PDE1C: variants seen among roughly 807,000 people sequenced by gnomAD.
The protein encoded by PDE1C is phosphodiesterase 1C.
In PDE1C, 62 loss-of-function variants were observed where a neutral mutation model predicts 93.1. The observed-to-expected ratio is 0.67, with a 90% confidence interval of 0.54 to 0.82. The LOEUF (loss-of-function observed/expected upper bound fraction) is 0.82, where lower values mean the gene tolerates loss of function less well. Among genes scored for constraint, PDE1C ranks in the 40% least tolerant of loss-of-function variants. The pLI, the probability that PDE1C is intolerant of heterozygous loss-of-function variation, is 0.00. For synonymous variants in PDE1C, 325 were observed against 310.1 expected (o/e 1.05, Z -0.50); for missense variants, 742 against 884.6 (o/e 0.84, Z 2.04).
intron 17 of PDE1C, among the ~76,000 whole-genome samples, chr7:31,771,383 G>A (rs1169881657): frequency 6.6e-6 from 1 of 152,154 alleles, no homozygotes; most frequent in African/African-American, 2.4e-5. Flanking sequence ...ACCAATACCT[G>A]CTATTTGCTG....
At chr7:32,320,317 A>G (rs1783263735) in intron 1 of PDE1C, among the ~76,000 whole-genome samples, 2 of 152,100 alleles carry the variant, frequency 1.3e-5, no homozygotes, top group Admixed American at 6.6e-5. Context: ...GGAAGGGGGG[A>G]AAACAGGTAG....
intron 2 of PDE1C, among the ~76,000 whole-genome samples, chr7:32,032,982 T>G (rs1584528351): frequency 6.6e-6 from 1 of 152,198 alleles, no homozygotes; most frequent in South Asian, 2.1e-4. Flanking sequence ...GACCAGACCA[T>G]GAACTGGAGA....
intron 3 of PDE1C, among the ~76,000 whole-genome samples, chr7:32,162,981 A>C (rs1320510441): frequency 6.6e-6 from 1 of 152,166 alleles, no homozygotes; most frequent in Non-Finnish European, 1.5e-5. Flanking sequence ...TATTGCCTTT[A>C]TGTGAAGCCA....
chr7:32,042,326 C>T (rs1262927224), intron 2 of PDE1C, among the ~76,000 whole-genome samples: 2 of 151,802 alleles, frequency 1.3e-5, no homozygotes, highest in East Asian at 3.9e-4. Flanking sequence ...AGAAAACAGA[C>T]AAAAAAAACT....
the PDE1C span, among the ~76,000 whole-genome samples, chr7:31,665,928 A>C: frequency 7.9e-5 from 12 of 152,212 alleles, no homozygotes; most frequent in Admixed American, 5.2e-4. Context: ...GAGCAGGCCC[A>C]GATAAGATTC....
chr7:32,006,245 T>C (rs1251067994), intron 2 of PDE1C, among the ~76,000 whole-genome samples: 3 of 152,246 alleles, frequency 2.0e-5, no homozygotes, highest in Non-Finnish European at 2.9e-5. Context: ...TCTTGTTTTT[T>C]TGGCATGTTA....
intron 2 of PDE1C, among the ~76,000 whole-genome samples, chr7:31,903,242 A>G (rs1800199967): frequency 6.6e-6 from 1 of 151,992 alleles, no homozygotes; most frequent in Admixed American, 6.6e-5. Context: ...GAGTCATGGG[A>G]TACTACATAA....
chr7:32,062,565 G>A (rs753225392), intron 1 of PDE1C, among the ~76,000 whole-genome samples: 73 of 152,262 alleles, frequency 4.8e-4, no homozygotes, highest in Non-Finnish European at 3.7e-4. Context: ...CTCAGCATGC[G>A]TCTCTTTTCC....
At chr7:31,990,208 G>A (rs1783983283) in intron 2 of PDE1C, among the ~76,000 whole-genome samples, 1 of 152,198 alleles carries the variant, frequency 6.6e-6, no homozygotes, top group South Asian at 2.1e-4. Context: ...TGTGTCATGG[G>A]AGGGACCTGG....
At chr7:32,085,844 G>T (rs1471971905) in intron 3 of PDE1C, among the ~76,000 whole-genome samples, 4 of 147,756 alleles carry the variant, frequency 2.7e-5, no homozygotes, top group Non-Finnish European at 6.0e-5. Flanking sequence ...GGTATTGATG[G>T]GACGTATCTC....
At chr7:31,822,318 T>G (rs761094971) in intron 14 of PDE1C, among the ~76,000 whole-genome samples, 1 of 152,088 alleles carries the variant, frequency 6.6e-6, no homozygotes, top group Non-Finnish European at 1.5e-5. Flanking sequence ...GACATCACAG[T>G]GTCAGACCCC....
intron 6 of PDE1C, among the ~76,000 whole-genome samples, chr7:31,868,004 T>TTCTC (rs1338760924): frequency 6.6e-6 from 1 of 152,192 alleles, no homozygotes; most frequent in Non-Finnish European, 1.5e-5. Flanking sequence ...AAAGCCAAAG[T>TTCTC]TCTCTACTCA....
chr7:32,169,098 C>T (rs1399259518), intron 3 of PDE1C, among the ~76,000 whole-genome samples: 1 of 152,046 alleles, frequency 6.6e-6, no homozygotes, highest in Non-Finnish European at 1.5e-5. Context: ...TGTAAATATA[C>T]TGTTTCAAAT....
At chr7:31,993,998 G>A (rs943220650) in intron 2 of PDE1C, among the ~76,000 whole-genome samples, 2 of 152,006 alleles carry the variant, frequency 1.3e-5, no homozygotes, top group African/African-American at 2.4e-5. Context: ...TCCAATGAAG[G>A]GCAACTAGAA....
intron 2 of PDE1C, among the ~76,000 whole-genome samples, chr7:31,989,534 A>G (rs1783897460): frequency 6.6e-6 from 1 of 152,228 alleles, no homozygotes; most frequent in Non-Finnish European, 1.5e-5. Context: ...GCGTATATAT[A>G]TGCACAACAA....
chr7:31,835,671 C>A (rs1791002776), intron 11 of PDE1C, among the ~76,000 whole-genome samples: 2 of 152,036 alleles, frequency 1.3e-5, no homozygotes, highest in South Asian at 4.1e-4. Flanking sequence ...CCCCGCTCCC[C>A]CAACATAAAT....
intron 3 of PDE1C, among the ~76,000 whole-genome samples, chr7:32,077,595 G>A (rs1489225496): frequency 6.6e-6 from 1 of 151,874 alleles, no homozygotes; most frequent in Admixed American, 6.6e-5. Context: ...TTTTGAGACA[G>A]AGTTTCGCTC....
chr7:32,302,518 A>G (rs1318171698), upstream of PDE1C, among the ~76,000 whole-genome samples: 1 of 152,224 alleles, frequency 6.6e-6, no homozygotes, highest in Non-Finnish European at 1.5e-5. Context: ...TAACAACAGT[A>G]TATGACACAA....
At chr7:32,178,488 G>A (rs535239521) in intron 2 of PDE1C, among the ~76,000 whole-genome samples, 5 of 152,246 alleles carry the variant, frequency 3.3e-5, no homozygotes, top group African/African-American at 1.2e-4. Flanking sequence ...ACTAAATAGA[G>A]CCAAAAATAC....
Sources: allele counts gnomAD v4.1 joint callset (sites outside exome capture counted in the v4.1 genomes callset), GRCh38; gene constraint gnomAD v4.1.1; transcripts MANE v1.5; gene names NCBI Gene and HGNC (gene_info 2026-07-23, HGNC 2026-07-21).